RUVBL1: variants seen among roughly 807,000 people sequenced by gnomAD.
RUVBL1 encodes RuvB like AAA ATPase 1.
In RUVBL1, 4 loss-of-function variants were observed where a neutral mutation model predicts 52.4. The ratio of observed to expected loss-of-function variants is 0.08; its 90% CI spans 0.04 to 0.17. RUVBL1 has a LOEUF of 0.17. Among genes scored for constraint, RUVBL1 ranks in the 10% least tolerant of loss-of-function variants. The pLI is 1.00. For missense variants in RUVBL1, 298 were observed against 572.8 expected, an observed-to-expected ratio of 0.52 and a Z score of 4.90; for synonymous variants, 217 against 214.4, an observed-to-expected ratio of 1.01 and a Z score of -0.10.
At chr3:128,066,785 C>T in intron 9 of RUVBL1, 1 of 626,206 alleles carries the variant, frequency 1.6e-6, no homozygotes, top group Non-Finnish European at 2.8e-6. Context: ...TGCAGGAGTG[C>T]AGTGGTGGGT....
At chr3:128,078,857 G>A (rs888685679), downstream of RUVBL1, 6 of 152,142 alleles carry the variant, frequency 3.9e-5, no homozygotes, top group African/African-American at 9.7e-5. Flanking sequence ...GAAAAAATAG[G>A]AGGAAAATTA....
chr3:128,071,549 G>A (rs927897862), intron 9 of RUVBL1: 2 of 152,694 alleles, frequency 1.3e-5, no homozygotes, highest in Non-Finnish European at 2.9e-5. Flanking sequence ...CCACACTCAC[G>A]CCCTGTGGGT....
intron 8 of RUVBL1, among the ~76,000 whole-genome samples, chr3:128,088,880 T>C (rs1046244641): frequency 2.0e-5 from 3 of 152,214 alleles, no homozygotes; most frequent in African/African-American, 4.8e-5. Context: ...ATTATTTTTA[T>C]TGATATTTTG....
intron 9 of RUVBL1, among the ~76,000 whole-genome samples, chr3:128,072,816 G>A (rs1233514043): frequency 2.6e-5 from 4 of 152,172 alleles, no homozygotes; most frequent in Non-Finnish European, 5.9e-5. Context: ...GAGAGCAAAC[G>A]GAGCCCACAT....
At chr3:128,103,069 T>C (rs1168221353) in intron 4 of RUVBL1, among the ~76,000 whole-genome samples, 1 of 152,222 alleles carries the variant, frequency 6.6e-6, no homozygotes, top group East Asian at 1.9e-4. Context: ...CACCAAGTAT[T>C]TGAGCACCTT....
At chr3:128,139,230 A>C (rs1943986030) in intron 1 of RUVBL1, among the ~76,000 whole-genome samples, 1 of 152,214 alleles carries the variant, frequency 6.6e-6, no homozygotes, top group South Asian at 2.1e-4. Flanking sequence ...TGCACAACAA[A>C]GAAACAATCA....
At chr3:128,150,631 T>TATATTCTATACATATATTCTATAC (rs1176025749) in intron 1 of RUVBL1, among the ~76,000 whole-genome samples, 1 of 109,044 alleles carries the variant, frequency 9.2e-6, no homozygotes, top group Non-Finnish European at 1.9e-5. Flanking sequence ...ATTCTATGTA[T>TATATTCTATACATATATTCTATAC]ATATTCTATA....
In RUVBL1 at chr3:128,119,505, A is replaced by G. The variant is rs192185255; in HGVS notation, c.142-91T>C. The G allele has an allele frequency of 4.3e-4, 417 of 976,104 alleles. 2 individuals carry two copies. The African/African-American group carries it at 5.8e-3, about 13-fold the overall frequency. The allele number at this position is 976,104 out of a possible 1,614,324, so 60.5% of individuals were successfully genotyped here. ...AGTCCCTGGCCTACACAAGTCACAC[A>G]CTCATCCAACTAACACTGAGTGCCA... On this transcript the variant is annotated intron_variant, in intron 1 of 10. Transcript: ENST00000322623.
At chr3:128,106,743 G>A (rs1413351383) in intron 3 of RUVBL1, among the ~76,000 whole-genome samples, 2 of 152,162 alleles carry the variant, frequency 1.3e-5, no homozygotes, top group Non-Finnish European at 2.9e-5. Context: ...TGTTCTATAT[G>A]GTAATGGCCT....
At position 128,152,908 on chromosome 3, in the gene RUVBL1, T is replaced by G. The variant is rs1364498716; in HGVS notation, c.-40+295A>C. On this transcript the variant is annotated intron_variant, in intron 1 of 9. Transcript: ENST00000464873. ...CCCCCTCCCCCACGTCCCCCCGCCC[T>G]CCCCCGCCCCCCGCCGTCCCCCCGC... Among the ~76,000 whole-genome samples the G allele has an allele frequency of 1.1e-3, 3 of 2,804 alleles. 1 individual carries two copies. The highest frequency in any genetic ancestry group is 3.3e-3 in the African/African-American group (2 of 604). 1.8% of individuals were successfully genotyped at this position (2,804 alleles called of 152,430 possible). A position where few individuals can be genotyped will look rare whatever the true frequency, so the allele number is the denominator to read the frequency against.
At chr3:128,087,951 C>T in intron 8 of RUVBL1, 143 bp from the exon 9 acceptor site, 2 of 585,294 alleles carry the variant, frequency 3.4e-6, no homozygotes, top group East Asian at 3.1e-5. Flanking sequence ...AACAGACTAA[C>T]CTCCAGTGGC....
upstream of RUVBL1, among the ~76,000 whole-genome samples, chr3:128,125,064 G>A (rs1009768101): frequency 2.1e-5 from 3 of 145,152 alleles, no homozygotes; most frequent in African/African-American, 7.7e-5. Flanking sequence ...GCCCAGGCGG[G>A]AGTGCAGTGG....
In RUVBL1 at chr3:128,067,355, A is replaced by T. The variant is rs1190222339; in HGVS notation, c.940-2135T>A. 3.3e-6 allele frequency: 5 copies of T among 1,519,040 alleles called. No homozygotes were observed. Among genetic ancestry groups the T allele is most frequent in the Non-Finnish European group, 4.5e-6 (5 of 1,118,362 alleles). The allele number at this position is 1,519,040 out of a possible 1,614,324, so 94.1% of individuals were successfully genotyped here. On this transcript the variant is annotated intron_variant, in intron 9 of 9. Transcript: ENST00000464873. The surrounding 1 kb of genome is among the most constrained non-coding windows in gnomAD (Gnocchi z 4.1). ...TGCATTCTTTCATCTGCTCAGAACT[A>T]TTTTTGCCTTGATGCTAAAGTAAAA...
intron 1 of RUVBL1, among the ~76,000 whole-genome samples, chr3:128,134,632 A>AT (rs1440987902): frequency 6.6e-6 from 1 of 151,690 alleles, no homozygotes; most frequent in African/African-American, 2.4e-5. Context: ...ACAAAAAATA[A>AT]AAATAAAAAT....
intron 1 of RUVBL1, among the ~76,000 whole-genome samples, chr3:128,132,053 A>G (rs1943885102): frequency 6.6e-6 from 1 of 152,208 alleles, no homozygotes; most frequent in Admixed American, 6.5e-5. Flanking sequence ...CCCCTGCCTG[A>G]GGCCTCATGG....
chr3:128,145,648 G>A lies in RUVBL1; in HGVS notation c.-40+7555C>T, dbSNP rs543671657. Among the ~76,000 whole-genome samples the A allele has an allele frequency of 2.0e-5, 3 of 152,160 alleles. No individual in the cohort carries two copies. The East Asian group carries it at 5.8e-4, about 29-fold the overall frequency. The stretch of plus-strand genomic sequence containing the variant: ...AGAGAAACGGAGAGGAGCATGGCAG[G>A]GTGAGCTGGGGTGGGGTGAGGAGTC... On this transcript the variant is annotated intron_variant, in intron 1 of 9. Transcript: ENST00000464873.
intron 9 of RUVBL1, among the ~76,000 whole-genome samples, chr3:128,087,076 G>C (rs1271253711): frequency 6.6e-6 from 1 of 152,236 alleles, no homozygotes; most frequent in Non-Finnish European, 1.5e-5. Flanking sequence ...CTGTGGACTT[G>C]GCAGAAGCCC....
chr3:128,093,494 G>GTT (rs75506552), intron 8 of RUVBL1, among the ~76,000 whole-genome samples: 2 of 145,730 alleles, frequency 1.4e-5, no homozygotes, highest in Non-Finnish European at 3.0e-5. Context: ...CATAAAGTTG[G>GTT]TTTTTTTTTT....
chr3:128,091,424 GA>G (rs1360542927), intron 8 of RUVBL1, among the ~76,000 whole-genome samples: 1 of 152,168 alleles, frequency 6.6e-6, no homozygotes, highest in Non-Finnish European at 1.5e-5. Flanking sequence ...TTGCATCTTA[GA>G]AGTTCATTTC....
Sources: allele counts gnomAD v4.1 joint callset (sites outside exome capture counted in the v4.1 genomes callset), GRCh38; gene constraint gnomAD v4.1.1; non-coding constraint Gnocchi (gnomAD v3.1); transcripts MANE v1.5; gene names NCBI Gene and HGNC (gene_info 2026-07-23, HGNC 2026-07-21).